SH3GL2: variants seen among roughly 807,000 people sequenced by gnomAD.
SH3GL2 encodes endophilin-A1.
Under a neutral mutation model 46.0 loss-of-function variants are expected in SH3GL2, and 24 were observed. That is an observed-to-expected ratio of 0.52 (90% CI 0.38 to 0.73). The LOEUF (loss-of-function observed/expected upper bound fraction) is 0.73, where lower values mean the gene tolerates loss of function less well. Ranked by LOEUF, SH3GL2 falls within the 30% of genes least tolerant of loss-of-function variation. SH3GL2 has a pLI of 0.00. For synonymous variants in SH3GL2, 196 were observed against 147.1 expected (o/e 1.33, Z -2.40); for missense variants, 413 against 424.2 (o/e 0.97, Z 0.23).
chr9:17,763,230 G>C (rs1463779284), intron 3 of SH3GL2, among the ~76,000 whole-genome samples: 1 of 152,184 alleles, frequency 6.6e-6, no homozygotes, highest in Non-Finnish European at 1.5e-5. Context: ...GTTTTCCTGA[G>C]TATAATGGAA....
chr9:17,650,959 C>T (rs1344790078), intron 1 of SH3GL2, among the ~76,000 whole-genome samples: 2 of 151,994 alleles, frequency 1.3e-5, no homozygotes, highest in East Asian at 2.0e-4. Flanking sequence ...CATACTAGAC[C>T]TTTTCTCTGT....
chr9:17,694,650 G>C (rs745432919), intron 1 of SH3GL2, among the ~76,000 whole-genome samples: 1 of 152,138 alleles, frequency 6.6e-6, no homozygotes, highest in African/African-American at 2.4e-5. Context: ...AATGGTATAA[G>C]TTGAGGGTAT....
At chr9:17,592,279 C>T (rs1160331696) in intron 1 of SH3GL2, among the ~76,000 whole-genome samples, 6 of 152,180 alleles carry the variant, frequency 3.9e-5, no homozygotes, top group Admixed American at 3.9e-4. Flanking sequence ...ATGTCTGCTG[C>T]CCTCAGATCT....
At chr9:17,634,275 G>A (rs1819495983) in intron 1 of SH3GL2, among the ~76,000 whole-genome samples, 1 of 152,160 alleles carries the variant, frequency 6.6e-6, no homozygotes, top group Non-Finnish European at 1.5e-5. Flanking sequence ...ATCTTCTTGG[G>A]TAGTTACATA....
At chr9:17,762,745 A>C (rs1422347129) in intron 3 of SH3GL2, among the ~76,000 whole-genome samples, 2 of 152,192 alleles carry the variant, frequency 1.3e-5, no homozygotes, top group East Asian at 3.9e-4. Flanking sequence ...AAGCACTGCA[A>C]AAATCAGGTT....
At chr9:17,639,291 A>T (rs893654801) in intron 1 of SH3GL2, among the ~76,000 whole-genome samples, 1 of 152,244 alleles carries the variant, frequency 6.6e-6, no homozygotes, top group Admixed American at 6.5e-5. Flanking sequence ...GGGAGAAAAT[A>T]TTGTAAAGCA....
chr9:17,737,230 A>G (rs1427696649), intron 1 of SH3GL2, among the ~76,000 whole-genome samples: 2 of 152,098 alleles, frequency 1.3e-5, no homozygotes, highest in Non-Finnish European at 2.9e-5. Flanking sequence ...GAGGGATAGC[A>G]TTAGGAGAAA....
chr9:17,735,070 C>T (rs542069776), intron 1 of SH3GL2, among the ~76,000 whole-genome samples: 1 of 152,218 alleles, frequency 6.6e-6, no homozygotes, highest in African/African-American at 2.4e-5. Flanking sequence ...ACCTATTCTG[C>T]TTCACTTTTG....
intron 2 of SH3GL2, among the ~76,000 whole-genome samples, chr9:17,752,217 C>T (rs913837706): frequency 2.6e-5 from 4 of 152,072 alleles, no homozygotes; most frequent in African/African-American, 9.7e-5. Context: ...CTTGGACCTG[C>T]CTGTATCTCG....
At chr9:17,591,399 G>T (rs1303948521) in intron 1 of SH3GL2, 2 of 152,100 alleles carry the variant, frequency 1.3e-5, no homozygotes, top group African/African-American at 4.8e-5. Flanking sequence ...CATTTACTCA[G>T]GAATGGGGGT....
At chr9:17,689,480 G>A (rs139860003) in intron 1 of SH3GL2, among the ~76,000 whole-genome samples, 2 of 152,116 alleles carry the variant, frequency 1.3e-5, no homozygotes, top group Non-Finnish European at 2.9e-5. Flanking sequence ...AATAAGAGGG[G>A]ACATACACAT....
chr9:17,682,232 A>G (rs1466957171), intron 1 of SH3GL2, among the ~76,000 whole-genome samples: 1 of 152,198 alleles, frequency 6.6e-6, no homozygotes, highest in African/African-American at 2.4e-5. Flanking sequence ...AGGATTATAA[A>G]TCATTCTACC....
At chr9:17,623,034 TCCTTTCCTTCCCCTTCCCCTTCC>T (rs1819187751) in intron 1 of SH3GL2, among the ~76,000 whole-genome samples, 1 of 106,258 alleles carries the variant, frequency 9.4e-6, no homozygotes, top group Admixed American at 9.4e-5. Flanking sequence ...TCCTTTCCTT[TCCTTTCCTTCCCCTTCCCCTTCC>T]CCTTCCCCTT....
intron 3 of SH3GL2, among the ~76,000 whole-genome samples, chr9:17,785,422 C>A (rs72717241): frequency 2.0e-5 from 3 of 152,128 alleles, no homozygotes; most frequent in Non-Finnish European, 2.9e-5. Flanking sequence ...CTATTCAATG[C>A]CTCTAAGACT....
intron 1 of SH3GL2, among the ~76,000 whole-genome samples, chr9:17,741,227 A>G (rs1221892162): frequency 4.6e-5 from 7 of 152,184 alleles, no homozygotes; most frequent in Admixed American, 4.6e-4. Flanking sequence ...AGTATTTTGG[A>G]AAAGTATTAT....
intron 1 of SH3GL2, among the ~76,000 whole-genome samples, chr9:17,728,596 A>G (rs1822086016): frequency 6.6e-6 from 1 of 152,058 alleles, no homozygotes; most frequent in African/African-American, 2.4e-5. Flanking sequence ...CATCTACATT[A>G]GGTATTTCTC....
At chr9:17,767,331 A>G (rs537596224) in intron 3 of SH3GL2, among the ~76,000 whole-genome samples, 17 of 152,360 alleles carry the variant, frequency 1.1e-4, no homozygotes, top group African/African-American at 3.8e-4. Context: ...AGCTAGCTGT[A>G]TTAGTTTCAA....
chr9:17,709,171 G>T (rs1821553293), intron 1 of SH3GL2, among the ~76,000 whole-genome samples: 2 of 151,994 alleles, frequency 1.3e-5, no homozygotes, highest in African/African-American at 4.8e-5. Flanking sequence ...GTGTTTCCCA[G>T]GGCTTGCTTA....
intron 1 of SH3GL2, among the ~76,000 whole-genome samples, chr9:17,650,635 G>A (rs555033442): frequency 6.6e-6 from 1 of 152,200 alleles, no homozygotes; most frequent in Non-Finnish European, 1.5e-5. Context: ...GGGATTACAG[G>A]CGTGAGTCAC....
Sources: allele counts gnomAD v4.1 joint callset (sites outside exome capture counted in the v4.1 genomes callset), GRCh38; gene constraint gnomAD v4.1.1; transcripts MANE v1.5; gene names NCBI Gene and HGNC (gene_info 2026-07-23, HGNC 2026-07-21).